The following FPGT variants were observed in gnomAD, a reference collection of about 807,000 sequenced individuals.
FPGT encodes GDP-L-fucose diphosphorylase.
A neutral mutation model predicts 45.8 loss-of-function variants in FPGT; 41 were observed. The observed-to-expected ratio is 0.90, with a 90% CI of 0.70 to 1.16. The LOEUF (loss-of-function observed/expected upper bound fraction) is 1.16, where lower values mean the gene tolerates loss of function less well. Ranked by LOEUF, FPGT falls within the 50% of genes most tolerant of loss-of-function variation. The probability of loss-of-function intolerance (pLI) is 0.00; values close to 1 mark genes in which losing one functional copy is unlikely to be tolerated. For missense variants in FPGT, 755 were observed against 689.1 expected, an observed-to-expected ratio of 1.10 and a Z score of -1.07; for synonymous variants, 292 against 247.2, an observed-to-expected ratio of 1.18 and a Z score of -1.70.
At chr1:74,200,927 A>G (rs1651736183) in intron 2 of FPGT, 1 of 156,890 alleles carries the variant, frequency 6.4e-6, no homozygotes, top group Non-Finnish European at 1.4e-5. Context: ...AGGAACTCTA[A>G]CTTGTGTTTT....
rs750392171 is a variant in FPGT, at chr1:74,205,232, C to G, written c.1185C>G (p.Cys395Trp). 1.2e-6 allele frequency: 2 copies of G among 1,613,900 alleles called. No individual in the cohort carries two copies. Among genetic ancestry groups the G allele is most frequent in the Admixed American group, 3.3e-5 (2 of 60,018 alleles). The part of the protein sequence containing the change: ...TFSIFPDIPE[C>W]SGKTSCIIQS... ...GTATCTTTCCAGATATACCAGAATG[C>G]TCTGGCAAAACATCCTGTATCATTC... Residue 395 changes from cysteine (C) to tryptophan (W), a missense_variant, in exon 4 of 4, where the codon TGC becomes TGG. Transcript: ENST00000370898.
intron 1 of FPGT, among the ~76,000 whole-genome samples, chr1:74,199,214 G>A (rs1390273676): frequency 6.6e-6 from 1 of 152,156 alleles, no homozygotes; most frequent in Non-Finnish European, 1.5e-5. Context: ...AACATTGAGG[G>A]AAGGGATCTT....
chr1:74,198,821 A>G (rs199932046), intron 1 of FPGT, among the ~76,000 whole-genome samples: 1 of 55,172 alleles, frequency 1.8e-5, no homozygotes, highest in South Asian at 9.7e-4. Context: ...ATTAAAAATT[A>G]AAAGGAAGAA....
At chr1:74,203,881 A>G (rs1178679788) in intron 3 of FPGT, among the ~76,000 whole-genome samples, 1 of 151,888 alleles carries the variant, frequency 6.6e-6, no homozygotes, top group East Asian at 2.0e-4. Context: ...GTCTCTACTA[A>G]AAATACAAAA....
At chr1:74,198,975 C>G (rs1651501022) in intron 1 of FPGT, among the ~76,000 whole-genome samples, 2 of 152,168 alleles carry the variant, frequency 1.3e-5, no homozygotes, top group African/African-American at 4.8e-5. Flanking sequence ...CTATTAGATT[C>G]TAGCTGACAA....
intron 3 of FPGT, 82 bp downstream of exon 3, chr1:74,201,492 A>G (rs1366236283): frequency 6.2e-6 from 5 of 810,712 alleles, no homozygotes; most frequent in African/African-American, 5.3e-5. Flanking sequence ...TTTCTTGCAA[A>G]CACTTTCCTT....
At chr1:74,201,717 A>G (rs1052575237) in intron 3 of FPGT, among the ~76,000 whole-genome samples, 1 of 152,148 alleles carries the variant, frequency 6.6e-6, no homozygotes, top group Non-Finnish European at 1.5e-5. Context: ...TCAAATATGA[A>G]TAGTTCTCGG....
At chr1:74,199,603 C>T (rs924258137) in intron 1 of FPGT, 61 bp from the exon 2 acceptor site, 1 of 1,560,106 alleles carries the variant, frequency 6.4e-7, no homozygotes, top group Admixed American at 1.8e-5. Context: ...AATAGGCAAA[C>T]CTGTGGCAAC....
At position 74,206,123 on chromosome 1, in the gene FPGT, A is replaced by C. The variant is rs776562252; in HGVS notation, c.*291A>C. The stretch of plus-strand genomic sequence containing the variant: ...TAATTAGTTTTAAAGGTAATTTTCT[A>C]AGCATACCTTTGGAATTTTTCCATC... On this transcript the variant is annotated 3_prime_UTR_variant, in exon 4 of 4. Coordinates refer to ENST00000370898, the MANE Select transcript of FPGT (RefSeq NM_003838.5). The C allele has an allele frequency of 4.5e-6, 1 of 224,706 alleles. No individual in the cohort carries two copies. The highest frequency in any genetic ancestry group is 1.0e-4 in the East Asian group (1 of 9,804). 13.9% of individuals were successfully genotyped at this position (224,706 alleles called of 1,614,324 possible). A position where few individuals can be genotyped will look rare whatever the true frequency, so the allele number is the denominator to read the frequency against.
intron 2 of FPGT, chr1:74,200,739 A>T (rs1321635479): frequency 1.9e-5 from 3 of 155,380 alleles, no homozygotes; most frequent in Non-Finnish European, 2.9e-5. Flanking sequence ...GTATCTCCTG[A>T]CCTCGTGATC....
At position 74,205,297 on chromosome 1, in the gene FPGT, C is replaced by T; in HGVS notation, c.1250C>T (p.Ser417Leu). ...TCAAGATGTTCTGTGGCACCTGGCT[C>T]AGTTGTGGAGTATTCCAGATTGGGG... ...LDSRCSVAPG[S>L]VVEYSRLGPD... Residue 417 changes from serine (S) to leucine (L), a missense_variant, in exon 4 of 4, where the codon TCA (serine) becomes TTA (leucine). By Grantham distance (145) the Ser-to-Leu change is moderately radical. Transcript: ENST00000370898. 3 of 1,614,088 alleles carry T rather than the reference C, an allele frequency of 1.9e-6. No homozygotes were observed. Among genetic ancestry groups the T allele is most frequent in the Middle Eastern group, 1.6e-4 (1 of 6,062 alleles).
chr1:74,199,995 A>G, intron 2 of FPGT, 164 bp downstream of exon 2: 1 of 815,204 alleles, frequency 1.2e-6, no homozygotes, highest in Non-Finnish European at 1.8e-6. Context: ...GATAAAAGGA[A>G]TAGCAACTGT....
At chr1:74,200,497 C>CTTTTTTT (rs202228945) in intron 2 of FPGT, among the ~76,000 whole-genome samples, 6 of 106,564 alleles carry the variant, frequency 5.6e-5, no homozygotes, top group Non-Finnish European at 9.2e-5. Flanking sequence ...GTTATTATTT[C>CTTTTTTT]TTTTTTTTTT....
rs559295484 is a variant in FPGT, at chr1:74,206,347, C to A, written c.*515C>A. On this transcript the variant is annotated 3_prime_UTR_variant, in exon 4 of 4. Coordinates refer to ENST00000370898, the MANE Select transcript of FPGT (RefSeq NM_003838.5). The stretch of plus-strand genomic sequence containing the variant: ...GTGCCCAATATATTGTGATTATTTT[C>A]GTTGATAAAGAACTAGATACAAAGA... The A allele has an allele frequency of 1.3e-5, 2 of 151,956 alleles. No homozygotes were observed. Among genetic ancestry groups the A allele is most frequent in the African/African-American group, 4.8e-5 (2 of 41,374 alleles). 9.4% of individuals were successfully genotyped at this position (151,956 alleles called of 1,614,324 possible).
Position 74,205,016 on chromosome 1 carries a change from C to A in FPGT, c.969C>A (p.Val323=). The A allele has an allele frequency of 1.2e-6, 2 of 1,613,818 alleles. No individual in the cohort carries two copies. The highest frequency in any genetic ancestry group is 1.1e-5 in the South Asian group (1 of 91,070). Residue 323 remains valine (V), a synonymous_variant, in exon 4 of 4, where the codon GTC becomes GTA. Transcript: ENST00000370898. ...TVEYTRNTSN[V]IKEESELVEM... ...AGTACACCAGAAACACATCAAATGT[C>A]ATTAAAGAAGAGTCAGAGTTGGTAG...
rs1436683971 is a variant in FPGT at position 74,206,643 on chromosome 1, T to TA, written c.*812dup. On this transcript the variant is annotated 3_prime_UTR_variant, in exon 4 of 4. Transcript: ENST00000370898. ...TCAGTCCTTCTAACAAAACTTCAAT[T>TA]ACCAGATGAACTGACTTTAGTTTTC... 1.3e-5 allele frequency: 2 copies of TA among 152,072 alleles called. No homozygotes were observed. The highest frequency in any genetic ancestry group is 4.8e-5 in the African/African-American group (2 of 41,426). 9.4% of individuals were successfully genotyped at this position (152,072 alleles called of 1,614,324 possible). A position where few individuals can be genotyped will look rare whatever the true frequency, so the allele number is the denominator to read the frequency against.
rs1652448652 is a variant in FPGT, at chr1:74,208,360, T to A, written c.*2528T>A. Among the ~76,000 whole-genome samples the A allele has an allele frequency of 1.3e-5, 2 of 152,086 alleles. No homozygotes were observed. The highest frequency in any genetic ancestry group is 6.6e-5 in the Admixed American group (1 of 15,258). The stretch of plus-strand genomic sequence containing the variant: ...TGACAATCTTAATTTTTTAGGCTTT[T>A]CATTTAGTCTTCCAATAAAGATAAT... On this transcript the variant is annotated 3_prime_UTR_variant, in exon 4 of 4. Transcript: ENST00000370898.
At chr1:74,199,486 C>G (rs1362239903) in intron 1 of FPGT, among the ~76,000 whole-genome samples, 178 bp from the exon 2 acceptor site, 2 of 152,174 alleles carry the variant, frequency 1.3e-5, no homozygotes, top group Admixed American at 6.5e-5. Flanking sequence ...TTCATTATAA[C>G]TATTTTGAAT....
Position 74,205,966 on chromosome 1 carries a change from GC to G in FPGT, c.*135del. The G allele has an allele frequency of 3.7e-6, 2 of 543,136 alleles. No homozygotes were observed. Among genetic ancestry groups the G allele is most frequent in the South Asian group, 6.1e-5 (2 of 32,678 alleles). The allele number at this position is 543,136 out of a possible 1,614,324, so 33.6% of individuals were successfully genotyped here. A position where few individuals can be genotyped will look rare whatever the true frequency, so the allele number is the denominator to read the frequency against. On this transcript the variant is annotated 3_prime_UTR_variant, in exon 4 of 4. Transcript: ENST00000370898. ...ATTGTTGTAGCATAATATTAATAGT[GC>G]AAAAGTACATATAAGTCATTTTGAT...
Sources: gnomAD v4.1 joint callset for allele counts (sites outside exome capture counted in the v4.1 genomes callset) on GRCh38, gnomAD v4.1.1 for gene constraint, MANE v1.5 for transcripts, NCBI Gene and HGNC (gene_info 2026-07-23, HGNC 2026-07-21) for gene names.